Variants in PEX5L observed in about 807,000 individuals in gnomAD.
The protein encoded by PEX5L is PEX5-related protein.
A neutral mutation model predicts 84.0 loss-of-function variants in PEX5L; 30 were observed. The observed-to-expected ratio is 0.36, with a 90% CI of 0.27 to 0.48. PEX5L has a LOEUF of 0.48. PEX5L is among the 20% of genes least tolerant of loss of function. The probability of loss-of-function intolerance (pLI) is 0.99; values close to 1 mark genes in which losing one functional copy is unlikely to be tolerated. For missense variants in PEX5L, 533 were observed against 754.6 expected, an observed-to-expected ratio of 0.71 and a Z score of 3.44; for synonymous variants, 270 against 283.1, an observed-to-expected ratio of 0.95 and a Z score of 0.46.
intron 1 of PEX5L, among the ~76,000 whole-genome samples, chr3:179,997,600 G>T (rs1788012789): frequency 6.6e-6 from 1 of 152,230 alleles, no homozygotes; most frequent in Non-Finnish European, 1.5e-5. Flanking sequence ...CTTGAAAGAT[G>T]CAGGGGTGGT....
chr3:179,928,091 G>T (rs936093280), intron 2 of PEX5L, among the ~76,000 whole-genome samples: 3 of 152,116 alleles, frequency 2.0e-5, no homozygotes, highest in Admixed American at 1.3e-4. Context: ...GTTGATCAGT[G>T]GGTCCAGGGA....
chr3:179,919,451 C>T (rs1447238513), intron 2 of PEX5L, among the ~76,000 whole-genome samples: 1 of 152,168 alleles, frequency 6.6e-6, no homozygotes, highest in Non-Finnish European at 1.5e-5. Context: ...TGACTAGGGG[C>T]TCTTTCACAG....
At chr3:179,888,190 C>A in intron 3 of PEX5L, 1 of 1,288,758 alleles carries the variant, frequency 7.8e-7, no homozygotes, top group South Asian at 1.2e-5. Flanking sequence ...CTGGTTAGCA[C>A]TGCTCAGTCA....
intron 8 of PEX5L, among the ~76,000 whole-genome samples, chr3:179,838,779 T>C (rs1735950541): frequency 6.6e-6 from 1 of 152,168 alleles, no homozygotes; most frequent in Admixed American, 6.5e-5. Context: ...TTTCTCAAAT[T>C]AAGGAATTTT....
Position 179,798,309 on chromosome 3 carries a change from C to G in PEX5L, c.*3519G>C, listed in dbSNP as rs1717829101. ...GGTGCATAGTATTCTATTAAAATTTCCTGGTGGACGAGATCTACCCATTTT... is the reference window on the plus strand; with the variant it reads ...GGTGCATAGTATTCTATTAAAATTTGCTGGTGGACGAGATCTACCCATTTT... On this transcript the variant is annotated 3_prime_UTR_variant, in exon 15 of 15. Coordinates refer to ENST00000467460, the MANE Select transcript of PEX5L (RefSeq NM_016559.3). 7.0e-6 allele frequency: 1 copy of G among 142,870 alleles called. No homozygotes were observed. The allele number at this position is 142,870 out of a possible 1,614,324, so 8.9% of individuals were successfully genotyped here.
At position 179,974,200 on chromosome 3, in the gene PEX5L, C is replaced by T. The variant is rs527978519; in HGVS notation, c.22-2535G>A. 126 of 985,374 alleles carry T rather than the reference C, an allele frequency of 1.3e-4. No homozygotes were observed. The African/African-American group carries it at 1.8e-3, about 14-fold the overall frequency. 61.0% of individuals were successfully genotyped at this position (985,374 alleles called of 1,614,324 possible). On this transcript the variant is annotated intron_variant, in intron 1 of 14. Coordinates refer to ENST00000467460, the MANE Select transcript of PEX5L (RefSeq NM_016559.3). ...TCCACAGCTTCTGCGTGGTCTTTCA[C>T]AGTAGCCAAAGGACTGAACTAGAAG...
intron 2 of PEX5L, among the ~76,000 whole-genome samples, chr3:179,951,215 C>G (rs1434795262): frequency 6.6e-6 from 1 of 152,200 alleles, no homozygotes; most frequent in East Asian, 1.9e-4. Context: ...TCCTTGGTCA[C>G]TGACTTTAGA....
At chr3:179,843,365 C>T (rs1464921806) in intron 8 of PEX5L, among the ~76,000 whole-genome samples, 1 of 152,176 alleles carries the variant, frequency 6.6e-6, no homozygotes, top group East Asian at 1.9e-4. Flanking sequence ...TTTTTGGAAG[C>T]TCAGCAGGTA....
intron 4 of PEX5L, among the ~76,000 whole-genome samples, chr3:179,883,398 T>C (rs1217520406): frequency 6.6e-6 from 1 of 152,232 alleles, no homozygotes; most frequent in Non-Finnish European, 1.5e-5. Context: ...TTGTCCTGTC[T>C]TCTTCACTTT....
chr3:179,917,948 T>G (rs1767818858), intron 2 of PEX5L, among the ~76,000 whole-genome samples: 1 of 152,212 alleles, frequency 6.6e-6, no homozygotes, highest in African/African-American at 2.4e-5. Context: ...TGTGAGCCAC[T>G]GCGCCTGGCC....
At chr3:179,960,178 G>A (rs555928792) in intron 2 of PEX5L, among the ~76,000 whole-genome samples, 1 of 152,306 alleles carries the variant, frequency 6.6e-6, no homozygotes, top group African/African-American at 2.4e-5. Flanking sequence ...GCCTTGGTCA[G>A]AACTATGAGG....
intron 8 of PEX5L, among the ~76,000 whole-genome samples, chr3:179,828,777 T>G (rs1731511531): frequency 6.6e-6 from 1 of 152,142 alleles, no homozygotes; most frequent in Non-Finnish European, 1.5e-5. Flanking sequence ...GGTGGGCTAA[T>G]TTTTGTGTAT....
At chr3:180,010,044 T>C (rs973138041) in intron 1 of PEX5L, among the ~76,000 whole-genome samples, 1 of 151,102 alleles carries the variant, frequency 6.6e-6, no homozygotes, top group Non-Finnish European at 1.5e-5. Context: ...CTAGGGTTCA[T>C]GCCATTCTCC....
chr3:179,997,516 C>A (rs1788001898), intron 1 of PEX5L, among the ~76,000 whole-genome samples: 1 of 152,142 alleles, frequency 6.6e-6, no homozygotes. Context: ...GCTGCCTCTA[C>A]CTAGAAAAAT....
chr3:179,827,652 G>A (rs1433805567), intron 8 of PEX5L, among the ~76,000 whole-genome samples: 1 of 152,234 alleles, frequency 6.6e-6, no homozygotes, highest in African/African-American at 2.4e-5. Flanking sequence ...GAGGACTGGA[G>A]TGGGGGAGGA....
At chr3:179,952,994 A>G (rs1485628024) in intron 2 of PEX5L, among the ~76,000 whole-genome samples, 1 of 152,208 alleles carries the variant, frequency 6.6e-6, no homozygotes, top group East Asian at 1.9e-4. Flanking sequence ...AAAAACAAGC[A>G]ATGGGGAAAG....
At chr3:179,875,320 T>C (rs1394209861) in intron 6 of PEX5L, 34 bp downstream of exon 6, 4 of 1,610,626 alleles carry the variant, frequency 2.5e-6, no homozygotes, top group Non-Finnish European at 3.4e-6. Context: ...AGTTGATACA[T>C]AAATGGCCGT....
chr3:179,854,924 C>T (rs78075524), intron 8 of PEX5L, among the ~76,000 whole-genome samples: 1 of 152,244 alleles, frequency 6.6e-6, no homozygotes, highest in African/African-American at 2.4e-5. Context: ...AAACAAAGGC[C>T]TAGGTGATGC....
intron 2 of PEX5L, among the ~76,000 whole-genome samples, chr3:179,916,611 A>AGCT (rs1767200973): frequency 6.6e-6 from 1 of 152,160 alleles, no homozygotes; most frequent in South Asian, 2.1e-4. Flanking sequence ...TCTTTCCTCA[A>AGCT]TAATTAAATT....
Sources: allele counts gnomAD v4.1 joint callset (sites outside exome capture counted in the v4.1 genomes callset), GRCh38; gene constraint gnomAD v4.1.1; transcripts MANE v1.5; gene names NCBI Gene and HGNC (gene_info 2026-07-23, HGNC 2026-07-21).